CFTR: variants seen among roughly 807,000 people sequenced by gnomAD.
The protein encoded by CFTR is CF transmembrane conductance regulator, also known as cystic fibrosis transmembrane conductance regulator.
CFTR carries 181 observed loss-of-function variants against 171.6 expected under a neutral mutation model. That is an observed-to-expected ratio of 1.05 (90% confidence interval 0.93 to 1.19). The LOEUF is 1.19. Ranked by LOEUF, CFTR falls within the 50% of genes most tolerant of loss-of-function variation. The probability of loss-of-function intolerance (pLI) is 0.00; values close to 1 mark genes in which losing one functional copy is unlikely to be tolerated. For synonymous variants in CFTR, 583 were observed against 608.0 expected (o/e 0.96, Z 0.60); for missense variants, 1,968 against 1,734.7 (o/e 1.13, Z -2.39).
At position 117,592,675 on chromosome 7, in the gene CFTR, G is replaced by A; in HGVS notation, c.2490+18G>A. The A allele has an allele frequency of 6.7e-7, 1 of 1,503,022 alleles. No individual in the cohort carries two copies. 93.1% of individuals were successfully genotyped at this position (1,503,022 alleles called of 1,614,324 possible). ...ACTTAAAGGTAGGTATACATCGCTT[G>A]GGGGTATTTCACCCCACAGAATGCA... is the stretch of plus-strand genomic sequence containing the variant. On this transcript the variant is annotated intron_variant, in intron 14 of 26. Coordinates refer to ENST00000003084, the MANE Select transcript of CFTR (RefSeq NM_000492.4).
At chr7:117,641,222 A>T (rs895236253) in intron 22 of CFTR, among the ~76,000 whole-genome samples, 12 of 152,158 alleles carry the variant, frequency 7.9e-5, no homozygotes, top group Non-Finnish European at 1.5e-4. Flanking sequence ...CCAGATTGCA[A>T]ATAGTGTTCA....
chr7:117,503,154 A>C (rs1017965650), intron 1 of CFTR, among the ~76,000 whole-genome samples: 1 of 152,236 alleles, frequency 6.6e-6, no homozygotes, highest in South Asian at 2.1e-4. Flanking sequence ...TATCTTTTCT[A>C]TAATGAATTT....
At chr7:117,559,164 A>G (rs1444190492) in intron 10 of CFTR, among the ~76,000 whole-genome samples, 3 of 152,218 alleles carry the variant, frequency 2.0e-5, no homozygotes, top group Non-Finnish European at 4.4e-5. Flanking sequence ...AGCTGTTACT[A>G]ACCTTTCCCA....
At chr7:117,542,934 T>A (rs1170972745) in intron 9 of CFTR, among the ~76,000 whole-genome samples, 1 of 152,220 alleles carries the variant, frequency 6.6e-6, no homozygotes, top group Non-Finnish European at 1.5e-5. Context: ...GCTTTATATA[T>A]ACCAGCCAAT....
intron 9 of CFTR, among the ~76,000 whole-genome samples, chr7:117,542,982 C>A (rs1584790686): frequency 6.6e-6 from 1 of 152,300 alleles, no homozygotes; most frequent in South Asian, 2.1e-4. Flanking sequence ...GTATTGTTTT[C>A]TACCATTTTA....
At chr7:117,550,649 C>T (rs213945) in intron 10 of CFTR, among the ~76,000 whole-genome samples, 26,650 of 151,966 alleles carry the variant, frequency 0.18, 2,582 homozygotes, top group Non-Finnish European at 0.21. Context: ...ATTAATTCTG[C>T]GTATGTCTTC....
At chr7:117,550,407 C>A (rs771381726) in intron 10 of CFTR, among the ~76,000 whole-genome samples, 1 of 151,806 alleles carries the variant, frequency 6.6e-6, no homozygotes, top group South Asian at 2.1e-4. Context: ...TTCCTACATA[C>A]GAAACAGCTT....
chr7:117,504,315 A>T lies in CFTR; in HGVS notation c.116A>T (p.Gln39Leu). ...RQRLELSDIY[Q>L]IPSVDSADNL... is the part of the protein sequence containing the mutation. Reference sequence around the variant, plus strand: ...CGCCTGGAATTGTCAGACATATACCAAATCCCTTCTGTTGATTCTGCTGAC... The same window carrying T: ...CGCCTGGAATTGTCAGACATATACCTAATCCCTTCTGTTGATTCTGCTGAC... Residue 39 changes from glutamine (Q) to leucine (L), a missense_variant, in exon 2 of 27, where the codon CAA becomes CTA. Gln to Leu is a moderately radical substitution (Grantham distance 113). Transcript: ENST00000003084. 1 of 1,612,604 alleles carries T rather than the reference A, an allele frequency of 6.2e-7. No individual in the cohort carries two copies. Among genetic ancestry groups the T allele is most frequent in the African/African-American group, 1.3e-5 (1 of 75,030 alleles).
chr7:117,602,993 A>G, intron 16 of CFTR, 130 bp downstream of exon 16: 1 of 951,062 alleles, frequency 1.1e-6, no homozygotes, highest in Non-Finnish European at 1.7e-6. Context: ...TAGTGGAAAG[A>G]TAAGGTTTTT....
In CFTR at chr7:117,518,390, A is replaced by C. The variant is rs1798631423; in HGVS notation, c.273+9248A>C. The stretch of plus-strand genomic sequence containing the variant: ...TAAATAAATATATAATACTATAAAT[A>C]ATATAATAATTTATATATATGATTA... On this transcript the variant is annotated intron_variant, in intron 3 of 26. Coordinates refer to ENST00000003084, the MANE Select transcript of CFTR (RefSeq NM_000492.4). Among the ~76,000 whole-genome samples, 5 of 146,956 alleles carry C rather than the reference A, an allele frequency of 3.4e-5. No homozygotes were observed. In the South Asian group the frequency reaches 1.0e-3, roughly 31 times the overall value.
At chr7:117,642,412 G>T in intron 22 of CFTR, 26 bp from the exon 23 acceptor site, 1 of 1,607,240 alleles carries the variant, frequency 6.2e-7, no homozygotes, top group Non-Finnish European at 8.5e-7. Flanking sequence ...TGTCACAGAA[G>T]TGATCCCATC....
chr7:117,571,643 T>C (rs1041734024), intron 11 of CFTR, among the ~76,000 whole-genome samples: 2 of 152,172 alleles, frequency 1.3e-5, no homozygotes, highest in African/African-American at 4.8e-5. Context: ...TTTCCAATAT[T>C]ATTTCCGAAC....
chr7:117,656,410 A>G (rs1449938344), intron 24 of CFTR, among the ~76,000 whole-genome samples: 1 of 152,200 alleles, frequency 6.6e-6, no homozygotes, highest in African/African-American at 2.4e-5. Flanking sequence ...GCAAAATGCC[A>G]TATGACCTAG....
At chr7:117,569,537 A>G (rs1287892147) in intron 11 of CFTR, among the ~76,000 whole-genome samples, 1 of 152,192 alleles carries the variant, frequency 6.6e-6, no homozygotes, top group Admixed American at 6.5e-5. Context: ...AAATGCGCTC[A>G]ATCTGATATA....
At chr7:117,533,060 T>C (rs4148698) in intron 4 of CFTR, among the ~76,000 whole-genome samples, 16,940 of 152,160 alleles carry the variant, frequency 0.11, 1,453 homozygotes, top group East Asian at 0.41. Flanking sequence ...AACTTGAGCT[T>C]TGCCTATACT....
chr7:117,537,210 A>G (rs1176149544), intron 7 of CFTR, among the ~76,000 whole-genome samples: 1 of 152,212 alleles, frequency 6.6e-6, no homozygotes, highest in Non-Finnish European at 1.5e-5. Flanking sequence ...CAGTTCAAGT[A>G]ATGAAAGCTA....
chr7:117,605,870 C>T (rs766624406), intron 17 of CFTR, among the ~76,000 whole-genome samples: 1 of 152,048 alleles, frequency 6.6e-6, no homozygotes, highest in Non-Finnish European at 1.5e-5. Context: ...TGGACTTTAT[C>T]CTGCAGTTTA....
intron 9 of CFTR, among the ~76,000 whole-genome samples, chr7:117,542,868 C>G (rs1799080277): frequency 6.6e-6 from 1 of 152,158 alleles, no homozygotes; most frequent in African/African-American, 2.4e-5. Flanking sequence ...GTACCATGCA[C>G]ACAGTTGTTC....
At chr7:117,570,176 G>A (rs899744306) in intron 11 of CFTR, among the ~76,000 whole-genome samples, 9 of 149,998 alleles carry the variant, frequency 6.0e-5, no homozygotes, top group African/African-American at 2.0e-4. Context: ...GAAGGTGAAG[G>A]TGTCCATCTC....
Sources: gnomAD v4.1 joint callset for allele counts (sites outside exome capture counted in the v4.1 genomes callset) on GRCh38, gnomAD v4.1.1 for gene constraint, MANE v1.5 for transcripts, NCBI Gene and HGNC (gene_info 2026-07-23, HGNC 2026-07-21) for gene names.